Variants in EEA1 observed in about 807,000 individuals in gnomAD.
EEA1 encodes the protein early endosome antigen 1, 162kD.
In EEA1, 111 loss-of-function variants were observed where a neutral mutation model predicts 209.2. That is an observed-to-expected ratio of 0.53 (90% CI 0.45 to 0.62). The LOEUF is 0.62. EEA1 is among the 20% of genes least tolerant of loss of function. EEA1 has a pLI of 0.00. For synonymous variants in EEA1, 536 were observed against 540.6 expected (o/e 0.99, Z 0.12); for missense variants, 1,343 against 1,530.8 (o/e 0.88, Z 2.05).
Position 92,842,577 on chromosome 12 carries a change from G to A in EEA1, c.803C>T (p.Thr268Ile), listed in dbSNP as rs761797741. ...LQSQYASSEA[T>I]ISQLRSELAK... ...AAGTTCACTCCTTAGCTGGCTTATT[G>A]TGGCCTAACAAAACAAAACAAAACA... is the stretch of plus-strand genomic sequence containing the variant. Residue 268 changes from threonine to isoleucine, a missense_variant, in exon 10 of 29, where the codon ACA (threonine) becomes ATA (isoleucine). Transcript: ENST00000322349. The A allele has an allele frequency of 1.9e-6, 3 of 1,576,012 alleles. No homozygotes were observed. Among genetic ancestry groups the A allele is most frequent in the African/African-American group, 1.4e-5 (1 of 73,110 alleles).
At chr12:92,858,513 G>T in intron 3 of EEA1, 1 of 844,858 alleles carries the variant, frequency 1.2e-6, no homozygotes. Flanking sequence ...CGCCACTGAT[G>T]AAACTGAGGA....
intron 20 of EEA1, 39 bp downstream of exon 20, chr12:92,801,561 A>G (rs1430473680): frequency 7.5e-7 from 1 of 1,340,490 alleles, no homozygotes; most frequent in Non-Finnish European, 1.0e-6. Context: ...AGACCTTACT[A>G]TACTTTACAG....
At chr12:92,915,911 T>G (rs1880746184) in intron 1 of EEA1, among the ~76,000 whole-genome samples, 1 of 152,200 alleles carries the variant, frequency 6.6e-6, no homozygotes, top group South Asian at 2.1e-4. Flanking sequence ...AAACTTAAGT[T>G]ATTAGTTACA....
chr12:92,928,703 G>C (rs1016752716), intron 1 of EEA1, among the ~76,000 whole-genome samples: 1 of 152,130 alleles, frequency 6.6e-6, no homozygotes, highest in African/African-American at 2.4e-5. Flanking sequence ...CGTCCCACGG[G>C]CACCAACTCT....
intron 22 of EEA1, 50 bp from the exon 23 acceptor site, chr12:92,782,185 T>C: frequency 6.9e-7 from 1 of 1,449,026 alleles, no homozygotes; most frequent in Non-Finnish European, 9.4e-7. Flanking sequence ...TTTTAGTAAA[T>C]TCAACAGAAA....
chr12:92,853,353 T>C (rs937001319), intron 6 of EEA1, among the ~76,000 whole-genome samples: 6 of 151,978 alleles, frequency 3.9e-5, no homozygotes, highest in Admixed American at 3.9e-4. Flanking sequence ...ACCCCTTATC[T>C]TTTTTTTAAG....
At chr12:92,825,953 C>A (rs527997547) in intron 13 of EEA1, among the ~76,000 whole-genome samples, 139 of 150,722 alleles carry the variant, frequency 9.2e-4, no homozygotes, top group African/African-American at 3.3e-3. Context: ...GTTGGAAAAA[C>A]TTTTCAACAT....
chr12:92,856,070 T>A (rs1877865828), intron 5 of EEA1, among the ~76,000 whole-genome samples: 1 of 152,234 alleles, frequency 6.6e-6, no homozygotes. Context: ...CAACTGCCAA[T>A]TCTTGGTGCA....
At chr12:92,876,614 G>T (rs1158103093) in intron 2 of EEA1, among the ~76,000 whole-genome samples, 2 of 151,974 alleles carry the variant, frequency 1.3e-5, no homozygotes, top group East Asian at 3.9e-4. Flanking sequence ...ATAAATTTCT[G>T]CAGTTTATAA....
Position 92,836,269 on chromosome 12 carries a change from A to G in EEA1, c.916-3419T>C, listed in dbSNP as rs115024023. 2.3e-3 allele frequency among the ~76,000 whole-genome samples: 347 copies of G among 152,346 alleles called. 4 individuals carry two copies. The highest frequency in any genetic ancestry group is 7.8e-3 in the African/African-American group (325 of 41,588). ...CTAAAATATATCCTATTCAAATTTA[A>G]ATTATAAAATGCATGTTAATCCTAT... On this transcript the variant is annotated intron_variant, in intron 10 of 28. Transcript: ENST00000322349.
intron 3 of EEA1, among the ~76,000 whole-genome samples, chr12:92,863,939 TTATAA>T (rs1474336853): frequency 8.5e-5 from 13 of 152,194 alleles, no homozygotes; most frequent in Admixed American, 5.9e-4. Flanking sequence ...ATAAGAACAT[TTATAA>T]TATAATTTAA....
chr12:92,909,748 G>A (rs928986623), intron 1 of EEA1, among the ~76,000 whole-genome samples: 4 of 152,222 alleles, frequency 2.6e-5, no homozygotes, highest in African/African-American at 4.8e-5. Context: ...CGAGCATGGT[G>A]GCTGACACCT....
intron 18 of EEA1, among the ~76,000 whole-genome samples, chr12:92,806,110 T>A (rs1875189459): frequency 6.6e-6 from 1 of 151,918 alleles, no homozygotes; most frequent in South Asian, 2.1e-4. Context: ...ACAGACACAG[T>A]GACGCTTTCA....
At chr12:92,909,922 C>T (rs566369173) in intron 1 of EEA1, among the ~76,000 whole-genome samples, 1 of 152,088 alleles carries the variant, frequency 6.6e-6, no homozygotes, top group African/African-American at 2.4e-5. Flanking sequence ...AAGGGTAGAT[C>T]ACCGGAGGTC....
At chr12:92,872,650 A>G (rs1387002722) in intron 2 of EEA1, among the ~76,000 whole-genome samples, 2 of 152,150 alleles carry the variant, frequency 1.3e-5, no homozygotes, top group East Asian at 1.9e-4. Flanking sequence ...GGTTTTGTCA[A>G]ATAAGAATAA....
At chr12:92,860,379 G>A (rs1446737019) in intron 3 of EEA1, among the ~76,000 whole-genome samples, 2 of 152,170 alleles carry the variant, frequency 1.3e-5, no homozygotes, top group African/African-American at 2.4e-5. Flanking sequence ...TCAACAGCTG[G>A]TGTAGCTACA....
chr12:92,802,244 T>C (rs1874951676), intron 19 of EEA1, among the ~76,000 whole-genome samples, 160 bp downstream of exon 19: 1 of 152,060 alleles, frequency 6.6e-6, no homozygotes, highest in African/African-American at 2.4e-5. Flanking sequence ...TATCTTGGGC[T>C]TCTTCTCAGG....
chr12:92,851,038 T>A (rs1026447291), intron 9 of EEA1, 73 bp downstream of exon 9: 30 of 1,411,852 alleles, frequency 2.1e-5, no homozygotes, highest in Non-Finnish European at 2.7e-5. Flanking sequence ...AAATCTCAAA[T>A]CCTGGCTTCA....
rs1446100573 is a variant in EEA1 at position 92,771,542 on chromosome 12, G to C, written c.*4469C>G. ...ATTGTTAATAGCTAAGAATAAATGA[G>C]GTGGAGGGGAGAAAAAGGGGAGAAT... is the stretch of plus-strand genomic sequence containing the variant. On this transcript the variant is annotated 3_prime_UTR_variant, in exon 29 of 29. Coordinates refer to ENST00000322349, the MANE Select transcript of EEA1 (RefSeq NM_003566.4). 6.6e-6 allele frequency: 1 copy of C among 152,030 alleles called. No individual in the cohort carries two copies. The highest frequency in any genetic ancestry group is 1.5e-5 in the Non-Finnish European group (1 of 67,946). The allele number at this position is 152,030 out of a possible 1,614,324, so 9.4% of individuals were successfully genotyped here. A position where few individuals can be genotyped will look rare whatever the true frequency, so the allele number is the denominator to read the frequency against.
Sources: gnomAD v4.1 joint callset for allele counts (sites outside exome capture counted in the v4.1 genomes callset) on GRCh38, gnomAD v4.1.1 for gene constraint, MANE v1.5 for transcripts, NCBI Gene and HGNC (gene_info 2026-07-23, HGNC 2026-07-21) for gene names.